Variants in SIAH3 observed in about 807,000 individuals in gnomAD.
The protein encoded by SIAH3 is siah E3 ubiquitin protein ligase family member 3, also known as seven in absentia homolog 3.
Under a neutral mutation model 12.6 loss-of-function variants are expected in SIAH3, and 9 were observed. That is an observed-to-expected ratio of 0.72 (90% CI 0.43 to 1.25). SIAH3 has a LOEUF of 1.25. Among genes scored for constraint, SIAH3 ranks in the 50% most tolerant of loss-of-function variants. The pLI, the probability that SIAH3 is intolerant of heterozygous loss-of-function variation, is 0.00. For synonymous variants in SIAH3, 154 were observed against 151.1 expected (o/e 1.02, Z -0.14); for missense variants, 390 against 365.4 (o/e 1.07, Z -0.55).
intron 1 of SIAH3, among the ~76,000 whole-genome samples, chr13:45,804,583 A>G (rs1950592664): frequency 6.6e-6 from 1 of 152,190 alleles, no homozygotes; most frequent in Admixed American, 6.5e-5. Context: ...ATTAAAAGCC[A>G]TCTATGACAA....
intron 1 of SIAH3, among the ~76,000 whole-genome samples, chr13:45,834,769 A>T (rs1185789419): frequency 6.6e-6 from 1 of 152,128 alleles, no homozygotes; most frequent in Non-Finnish European, 1.5e-5. Context: ...GTGATGCAGG[A>T]GGAACTCCTG....
chr13:45,809,726 T>C (rs1263815865), intron 1 of SIAH3, among the ~76,000 whole-genome samples: 1 of 152,218 alleles, frequency 6.6e-6, no homozygotes, highest in African/African-American at 2.4e-5. Flanking sequence ...TTTAATAAAT[T>C]ACTGAAAGCA....
chr13:45,803,906 T>C (rs562560158), intron 1 of SIAH3, among the ~76,000 whole-genome samples: 20 of 152,200 alleles, frequency 1.3e-4, no homozygotes, highest in African/African-American at 4.8e-4. Flanking sequence ...AAATTCCAGG[T>C]AGGTGGGGTA....
In SIAH3 at chr13:45,796,770, C is replaced by T. The variant is rs1312053014; in HGVS notation, c.136-12713G>A. Among the ~76,000 whole-genome samples, 7 of 152,336 alleles carry T rather than the reference C, an allele frequency of 4.6e-5. No homozygotes were observed. The East Asian group carries it at 1.2e-3, about 25-fold the overall frequency. On this transcript the variant is annotated intron_variant, in intron 1 of 1. Transcript: ENST00000400405. Reference sequence around the variant, plus strand: ...TGCCTCACTGAATGAATGGCTCCTCCTCTCTGCAATGTGGCTCTCCTCACA... The same window carrying T: ...TGCCTCACTGAATGAATGGCTCCTCTTCTCTGCAATGTGGCTCTCCTCACA...
At chr13:45,840,947 A>G (rs1398899260) in intron 1 of SIAH3, among the ~76,000 whole-genome samples, 1 of 152,220 alleles carries the variant, frequency 6.6e-6, no homozygotes, top group Non-Finnish European at 1.5e-5. Flanking sequence ...GGAGAATGAT[A>G]ACAATATACT....
rs758873938 is a variant in SIAH3 at position 45,851,522 on chromosome 13, A to T, written c.108T>A (p.Cys36Ter). 29 of 1,614,088 alleles carry T rather than the reference A, an allele frequency of 1.8e-5. No homozygotes were observed. In the African/African-American group the frequency reaches 2.9e-4, roughly 16 times the overall value. ...TTAGGTTGTGTGTGGGGTTGACGAC[A>T]CAGACAAGTTGCCCGGCAGCGGAGA... ...RVFSAAGQLVCVVNPTHNLKY... is the reference protein window; with the variant it reads ...RVFSAAGQLV The change falls in exon 1 of 2, where the codon TGT becomes TGA. Residue 36 changes from cysteine (C) to a stop codon, truncating the protein, a stop_gained. Coordinates refer to ENST00000400405, the MANE Select transcript of SIAH3 (RefSeq NM_198849.3). LOFTEE classifies it high-confidence loss of function.
At chr13:45,824,559 T>C (rs1476675149) in intron 1 of SIAH3, among the ~76,000 whole-genome samples, 2 of 152,160 alleles carry the variant, frequency 1.3e-5, no homozygotes, top group Non-Finnish European at 2.9e-5. Flanking sequence ...GACCCAGGTT[T>C]CAGCCCTTCC....
chr13:45,787,405 T>C (rs955064016), intron 1 of SIAH3, among the ~76,000 whole-genome samples: 1 of 152,134 alleles, frequency 6.6e-6, no homozygotes, highest in Admixed American at 6.5e-5. Flanking sequence ...CTTGTTCCTA[T>C]CCTGCCTCAC....
At chr13:45,817,281 A>T (rs148925601) in intron 1 of SIAH3, among the ~76,000 whole-genome samples, 2 of 152,242 alleles carry the variant, frequency 1.3e-5, no homozygotes, top group Admixed American at 6.5e-5. Context: ...ACAATGTTCA[A>T]TATAGTCACA....
chr13:45,828,140 G>C (rs1950685455), intron 1 of SIAH3, among the ~76,000 whole-genome samples: 1 of 152,176 alleles, frequency 6.6e-6, no homozygotes, highest in Non-Finnish European at 1.5e-5. Flanking sequence ...GCTTTACTGG[G>C]TTGTTGGGAG....
intron 1 of SIAH3, among the ~76,000 whole-genome samples, chr13:45,834,810 C>A (rs182208364): frequency 6.6e-6 from 1 of 152,214 alleles, no homozygotes; most frequent in African/African-American, 2.4e-5. Flanking sequence ...CCACTTGCTG[C>A]TGTGTGGCTT....
At chr13:45,784,743 A>G (rs1364819743) in intron 1 of SIAH3, among the ~76,000 whole-genome samples, 1 of 152,120 alleles carries the variant, frequency 6.6e-6, no homozygotes, top group Non-Finnish European at 1.5e-5. Flanking sequence ...CCAGAGCCTC[A>G]TCACCAGGCA....
chr13:45,816,288 G>T (rs1950634158), intron 1 of SIAH3, among the ~76,000 whole-genome samples: 1 of 152,228 alleles, frequency 6.6e-6, no homozygotes, highest in African/African-American at 2.4e-5. Flanking sequence ...GCCCTGCAGA[G>T]AATGGTACCC....
At chr13:45,830,259 G>T (rs78462946) in intron 1 of SIAH3, among the ~76,000 whole-genome samples, 1,722 of 152,258 alleles carry the variant, frequency 0.011, 29 homozygotes, top group African/African-American at 0.039. Context: ...GTACATCCAA[G>T]TTCTGTCTAA....
intron 1 of SIAH3, among the ~76,000 whole-genome samples, chr13:45,829,236 A>G (rs1365310460): frequency 6.6e-6 from 1 of 152,190 alleles, no homozygotes; most frequent in Non-Finnish European, 1.5e-5. Context: ...TGTGTGTAAA[A>G]TGCATTAATC....
At chr13:45,818,182 T>G (rs914463994) in intron 1 of SIAH3, among the ~76,000 whole-genome samples, 4 of 152,164 alleles carry the variant, frequency 2.6e-5, no homozygotes, top group African/African-American at 9.6e-5. Flanking sequence ...GTAACTTGCT[T>G]GAGAATGCAC....
chr13:45,842,380 G>T (rs1341668176), intron 1 of SIAH3, among the ~76,000 whole-genome samples: 1 of 152,122 alleles, frequency 6.6e-6, no homozygotes, highest in African/African-American at 2.4e-5. Flanking sequence ...GTCTTGCTCT[G>T]CTACCCAGGC....
chr13:45,815,824 C>T (rs1950632502), intron 1 of SIAH3, among the ~76,000 whole-genome samples: 2 of 152,220 alleles, frequency 1.3e-5, no homozygotes, highest in South Asian at 2.1e-4. Context: ...GATTAACTTC[C>T]TAGAATTCAG....
intron 1 of SIAH3, among the ~76,000 whole-genome samples, chr13:45,818,073 A>T (rs1361274371): frequency 6.6e-6 from 1 of 152,164 alleles, no homozygotes; most frequent in Admixed American, 6.5e-5. Context: ...AAATTGGAGG[A>T]AAATACCCAG....
Sources: allele counts gnomAD v4.1 joint callset (sites outside exome capture counted in the v4.1 genomes callset), GRCh38; gene constraint gnomAD v4.1.1; transcripts MANE v1.5; gene names NCBI Gene and HGNC (gene_info 2026-07-23, HGNC 2026-07-21).